The following CFAP299 variants were observed in gnomAD, a reference collection of about 807,000 sequenced individuals.
The protein encoded by CFAP299 is cilia- and flagella-associated protein 299.
Under a neutral mutation model 27.0 loss-of-function variants are expected in CFAP299, and 21 were observed. The observed-to-expected ratio is 0.78, with a 90% CI of 0.55 to 1.12. The LOEUF is 1.12. Among genes scored for constraint, CFAP299 ranks in the 50% most tolerant of loss-of-function variants. The pLI, the probability that CFAP299 is intolerant of heterozygous loss-of-function variation, is 0.00. For synonymous variants in CFAP299, 104 were observed against 98.1 expected (o/e 1.06, Z -0.36); for missense variants, 310 against 276.6 (o/e 1.12, Z -0.86).
intron 5 of CFAP299, among the ~76,000 whole-genome samples, chr4:80,950,697 A>T (rs1285850553): frequency 1.3e-5 from 2 of 152,178 alleles, no homozygotes; most frequent in Non-Finnish European, 2.9e-5. Context: ...CACAGATCAG[A>T]TATCAGAATC....
intron 2 of CFAP299, among the ~76,000 whole-genome samples, chr4:80,400,610 C>T (rs991136368): frequency 1.3e-5 from 2 of 152,132 alleles, no homozygotes; most frequent in African/African-American, 4.8e-5. Flanking sequence ...TGAGGCCTCC[C>T]CAGTGGAATT....
chr4:80,580,188 AACTCAGCT>A (rs1195197571), intron 2 of CFAP299, among the ~76,000 whole-genome samples: 2 of 152,106 alleles, frequency 1.3e-5, no homozygotes, highest in Non-Finnish European at 2.9e-5. Context: ...TAGCCACTAT[AACTCAGCT>A]ACCTTTCATT....
At chr4:80,524,811 TCATGG>T (rs1733091934) in intron 2 of CFAP299, among the ~76,000 whole-genome samples, 1 of 152,174 alleles carries the variant, frequency 6.6e-6, no homozygotes, top group South Asian at 2.1e-4. Flanking sequence ...ATCTATTATG[TCATGG>T]TTTCTGTTGT....
chr4:80,379,373 A>T (rs907978662), intron 2 of CFAP299, among the ~76,000 whole-genome samples: 2 of 151,622 alleles, frequency 1.3e-5, no homozygotes, highest in African/African-American at 4.8e-5. Context: ...TGTTTTCTCT[A>T]CTATTTTGTT....
At chr4:80,670,214 C>G (rs993963222) in intron 3 of CFAP299, among the ~76,000 whole-genome samples, 1 of 152,006 alleles carries the variant, frequency 6.6e-6, no homozygotes, top group Non-Finnish European at 1.5e-5. Context: ...GTTCAATTCC[C>G]ACCTATGTAT....
At chr4:80,869,675 G>A (rs1016199174) in intron 3 of CFAP299, among the ~76,000 whole-genome samples, 2 of 151,984 alleles carry the variant, frequency 1.3e-5, no homozygotes, top group Admixed American at 1.3e-4. Flanking sequence ...CACCACGCCC[G>A]GCTAATTTTT....
At chr4:80,719,625 T>A (rs1246636730) in intron 3 of CFAP299, among the ~76,000 whole-genome samples, 1 of 152,226 alleles carries the variant, frequency 6.6e-6, no homozygotes, top group East Asian at 1.9e-4. Context: ...TGCATGCTCT[T>A]TGTAAGCAGT....
chr4:80,468,119 T>C (rs1229733214), intron 2 of CFAP299, among the ~76,000 whole-genome samples: 1 of 152,260 alleles, frequency 6.6e-6, no homozygotes, highest in Non-Finnish European at 1.5e-5. Flanking sequence ...TACATAGGTA[T>C]AATCTTGCTT....
chr4:80,946,024 A>G (rs1335487027), intron 5 of CFAP299, among the ~76,000 whole-genome samples: 5 of 151,272 alleles, frequency 3.3e-5, no homozygotes, highest in Admixed American at 3.3e-4. Context: ...ATGGTGTCGC[A>G]TGCCTGTAAT....
At chr4:80,898,498 T>C (rs532233600) in intron 4 of CFAP299, among the ~76,000 whole-genome samples, 6 of 151,890 alleles carry the variant, frequency 4.0e-5, no homozygotes, top group Admixed American at 2.6e-4. Context: ...CTATGGGTGG[T>C]TTTGGAAAAG....
In CFAP299 at chr4:80,795,353, T is replaced by G. The variant is rs546150798; in HGVS notation, c.334-74640T>G. Among the ~76,000 whole-genome samples the G allele has an allele frequency of 2.0e-5, 3 of 152,296 alleles. No homozygotes were observed. The South Asian group carries it at 6.2e-4, about 32-fold the overall frequency. On this transcript the variant is annotated intron_variant, in intron 3 of 5. Coordinates refer to ENST00000358105, the MANE Select transcript of CFAP299 (RefSeq NM_152770.3). ...CTTTCATGCAAAGTACACAACCAGG[T>G]GCACTGCCTGAAGTTCTGCCCACTG...
intron 1 of CFAP299, among the ~76,000 whole-genome samples, chr4:80,355,354 C>CTTTTT (rs70944772): frequency 4.4e-4 from 42 of 95,494 alleles, no homozygotes; most frequent in Non-Finnish European, 5.3e-4. Context: ...ATGTCCTTTG[C>CTTTTT]TTTTTTTTTT....
chr4:80,620,611 T>C (rs1037773242), intron 3 of CFAP299, among the ~76,000 whole-genome samples: 1 of 152,164 alleles, frequency 6.6e-6, no homozygotes, highest in Non-Finnish European at 1.5e-5. Flanking sequence ...TAAATCCAGA[T>C]CAGTCTCTGT....
At chr4:80,494,369 A>G (rs1232818157) in intron 2 of CFAP299, among the ~76,000 whole-genome samples, 1 of 152,232 alleles carries the variant, frequency 6.6e-6, no homozygotes, top group African/African-American at 2.4e-5. Context: ...GCTCTCCTAG[A>G]TTATTTCACA....
chr4:80,854,927 G>A (rs1731756933), intron 3 of CFAP299, among the ~76,000 whole-genome samples: 1 of 149,940 alleles, frequency 6.7e-6, no homozygotes, highest in African/African-American at 2.5e-5. Context: ...CTAAACAACT[G>A]AACAATTCTG....
intron 3 of CFAP299, 125 bp downstream of exon 3, chr4:80,583,308 T>A: frequency 2.1e-6 from 1 of 481,580 alleles, no homozygotes; most frequent in Non-Finnish European, 3.6e-6. Flanking sequence ...TCCTCTTTAT[T>A]AATTATATAT....
At chr4:80,883,680 A>G (rs1253416189) in intron 4 of CFAP299, among the ~76,000 whole-genome samples, 2 of 152,152 alleles carry the variant, frequency 1.3e-5, no homozygotes, top group Non-Finnish European at 2.9e-5. Context: ...AATTTTCACA[A>G]GGGATAAAGA....
At chr4:80,861,972 C>T (rs962156303) in intron 3 of CFAP299, among the ~76,000 whole-genome samples, 4 of 152,048 alleles carry the variant, frequency 2.6e-5, no homozygotes, top group Admixed American at 6.5e-5. Context: ...ACTTAAAGCT[C>T]AATTTTTAAG....
At chr4:80,437,327 C>A (rs997731988) in intron 2 of CFAP299, among the ~76,000 whole-genome samples, 1 of 152,112 alleles carries the variant, frequency 6.6e-6, no homozygotes, top group African/African-American at 2.4e-5. Context: ...TACCTACTTG[C>A]CCACTACTAA....
Sources: allele counts gnomAD v4.1 joint callset (sites outside exome capture counted in the v4.1 genomes callset), GRCh38; gene constraint gnomAD v4.1.1; transcripts MANE v1.5; gene names NCBI Gene and HGNC (gene_info 2026-07-23, HGNC 2026-07-21).